The following TFAP2B variants were observed in gnomAD, a reference collection of about 807,000 sequenced individuals.
TFAP2B encodes the protein transcription factor AP-2 beta.
Under a neutral mutation model 44.3 loss-of-function variants are expected in TFAP2B, and 9 were observed. That is an observed-to-expected ratio of 0.20 (90% CI 0.12 to 0.35). The LOEUF is 0.35. Among genes scored for constraint, TFAP2B ranks in the 10% least tolerant of loss-of-function variants. TFAP2B has a pLI of 1.00. For synonymous variants in TFAP2B, 270 were observed against 263.8 expected (o/e 1.02, Z -0.23); for missense variants, 509 against 600.0 (o/e 0.85, Z 1.59).
At chr6:50,835,940 T>C (rs1762611378) in intron 3 of TFAP2B, 121 bp from the exon 4 acceptor site, 1 of 852,934 alleles carries the variant, frequency 1.2e-6, no homozygotes, top group Non-Finnish European at 2.0e-6. Context: ...GAATAAACAC[T>C]TCCTCCCTCA....
chr6:50,835,702 C>T (rs1309594979), intron 3 of TFAP2B, among the ~76,000 whole-genome samples: 1 of 152,184 alleles, frequency 6.6e-6, no homozygotes, highest in East Asian at 1.9e-4. Context: ...GAGGTTCAGA[C>T]AGAGTCAGTC....
Position 50,843,861 on chromosome 6 carries a change from C to G in TFAP2B, c.*469C>G, listed in dbSNP as rs1762785885. 6.1e-6 allele frequency: 1 copy of G among 165,004 alleles called. No individual in the cohort carries two copies. The allele number at this position is 165,004 out of a possible 1,614,324, so 10.2% of individuals were successfully genotyped here. A position where few individuals can be genotyped will look rare whatever the true frequency, so the allele number is the denominator to read the frequency against. ...TTAGGAAACTCTCGCAGTCCCCGCC[C>G]TCCATCTCACCTCACCCGTCTCCCA... On this transcript the variant is annotated 3_prime_UTR_variant, in exon 7 of 7. Transcript: ENST00000393655.
At chr6:50,821,278 G>T (rs985681221) in intron 1 of TFAP2B, among the ~76,000 whole-genome samples, 2 of 152,214 alleles carry the variant, frequency 1.3e-5, no homozygotes, top group East Asian at 3.8e-4. Flanking sequence ...CCTCCATCTC[G>T]CTTCTGTCCT....
chr6:50,835,924 C>T, intron 3 of TFAP2B, 137 bp from the exon 4 acceptor site: 2 of 792,144 alleles, frequency 2.5e-6, no homozygotes, highest in Non-Finnish European at 4.5e-6. Flanking sequence ...CACTGCAGCC[C>T]CACTGGAATA....
At position 50,840,414 on chromosome 6, in the gene TFAP2B, A is replaced by C; in HGVS notation, c.1082+117A>C. 4.5e-6 allele frequency: 6 copies of C among 1,337,616 alleles called. No individual in the cohort carries two copies. In the Middle Eastern group the frequency reaches 1.5e-3, roughly 328 times the overall value. 82.9% of individuals were successfully genotyped at this position (1,337,616 alleles called of 1,614,324 possible). On this transcript the variant is annotated intron_variant, in intron 6 of 6. Transcript: ENST00000393655. Reference sequence around the variant, plus strand: ...AGCCAGAGGGTTGTCTAGAAGTAGCATTTGCAGCCTCTGGCAAGCAAGGTA... The same window carrying C: ...AGCCAGAGGGTTGTCTAGAAGTAGCCTTTGCAGCCTCTGGCAAGCAAGGTA...
chr6:50,823,469 A>G lies in TFAP2B; in HGVS notation c.144A>G (p.Gln48=), dbSNP rs1193839204. 10 of 1,611,852 alleles carry G rather than the reference A, an allele frequency of 6.2e-6. No individual in the cohort carries two copies. The highest frequency in any genetic ancestry group is 7.6e-6 in the Non-Finnish European group (9 of 1,179,256). ...TCTCCCAGCTGGGCTCGGTGTCCCA[A>G]GGACCCTACTCGAGCGCCCCGCCGC... The part of the protein sequence containing the change: ...SRLSQLGSVS[Q]GPYSSAPPLS... Residue 48 remains glutamine (Q), a synonymous_variant, in exon 2 of 7, where the codon CAA becomes CAG. Coordinates refer to ENST00000393655, the MANE Select transcript of TFAP2B (RefSeq NM_003221.4).
rs1762768345 is a variant in TFAP2B, at chr6:50,843,218, C to T, written c.1209C>T (p.His403=). 1 of 1,614,090 alleles carries T rather than the reference C, an allele frequency of 6.2e-7. No homozygotes were observed. Among genetic ancestry groups the T allele is most frequent in the South Asian group, 1.1e-5 (1 of 91,088 alleles). Residue 403 remains histidine, a synonymous_variant, in exon 7 of 7, where the codon CAC becomes CAT. Coordinates refer to ENST00000393655, the MANE Select transcript of TFAP2B (RefSeq NM_003221.4). ...SCLTHFSLIT[H]GFGAPAICAA... is the part of the protein sequence containing the mutation. The stretch of plus-strand genomic sequence containing the variant: ...TCACGCACTTCAGCCTCATCACGCA[C>T]GGCTTCGGCGCCCCGGCCATTTGCG...
rs1216960902 is a variant in TFAP2B, at chr6:50,844,472, T to C, written c.*1080T>C. ...TCTATAAGGTACAGAGAAAAAAAAA[T>C]CCGATCCCTTTTTAATCAAAGCCTG... On this transcript the variant is annotated 3_prime_UTR_variant, in exon 7 of 7. Coordinates refer to ENST00000393655, the MANE Select transcript of TFAP2B (RefSeq NM_003221.4). 1 of 152,356 alleles carries C rather than the reference T, an allele frequency of 6.6e-6. No individual in the cohort carries two copies. Among genetic ancestry groups the C allele is most frequent in the Non-Finnish European group, 1.5e-5 (1 of 67,968 alleles). 9.4% of individuals were successfully genotyped at this position (152,356 alleles called of 1,614,324 possible). A position where few individuals can be genotyped will look rare whatever the true frequency, so the allele number is the denominator to read the frequency against.
chr6:50,830,872 G>T (rs538417436), intron 3 of TFAP2B, among the ~76,000 whole-genome samples: 2 of 152,112 alleles, frequency 1.3e-5, no homozygotes, highest in Non-Finnish European at 2.9e-5. Flanking sequence ...AGGTGAGAAA[G>T]TCTTGTGAAC....
In TFAP2B at chr6:50,846,827, C is replaced by G. The variant is rs1429095543; in HGVS notation, c.*3435C>G. The G allele has an allele frequency of 6.6e-6, 1 of 152,658 alleles. No individual in the cohort carries two copies. Among genetic ancestry groups the G allele is most frequent in the Admixed American group, 6.5e-5 (1 of 15,280 alleles). The allele number at this position is 152,658 out of a possible 1,614,324, so 9.5% of individuals were successfully genotyped here. A position where few individuals can be genotyped will look rare whatever the true frequency, so the allele number is the denominator to read the frequency against. On this transcript the variant is annotated 3_prime_UTR_variant, in exon 7 of 7. Transcript: ENST00000393655. ...TACCTTGCATTTTCTTTCCTTCCTTCTGGCCTCCACACCCATAGCTTTCCT... is the reference window on the plus strand; with the variant it reads ...TACCTTGCATTTTCTTTCCTTCCTTGTGGCCTCCACACCCATAGCTTTCCT...
intron 3 of TFAP2B, among the ~76,000 whole-genome samples, chr6:50,830,667 G>A (rs115275453): frequency 0.01 from 1,578 of 152,252 alleles, 19 homozygotes; most frequent in African/African-American, 0.036. Context: ...ATTACATGAA[G>A]AAAAGATCCT....
upstream of TFAP2B, chr6:50,818,801 C>G (rs1395463565): frequency 1.8e-5 from 21 of 1,175,572 alleles, no homozygotes; most frequent in Non-Finnish European, 2.6e-5. Context: ...AGAGGAGCGT[C>G]GGATTTGGTG....
At chr6:50,822,879 A>G (rs1770392307) in intron 1 of TFAP2B, among the ~76,000 whole-genome samples, 1 of 152,222 alleles carries the variant, frequency 6.6e-6, no homozygotes. Flanking sequence ...CTAATCAGCC[A>G]GCTGCATTTC....
rs1321063758 is a variant in TFAP2B, at chr6:50,846,719, A to C, written c.*3327A>C. On this transcript the variant is annotated 3_prime_UTR_variant, in exon 7 of 7. Transcript: ENST00000393655. The stretch of plus-strand genomic sequence containing the variant: ...GTTTGGGTGAGGATTCCGTCACCTA[A>C]AAAGATCTTTAACTTCTCCCCCAAA... The C allele has an allele frequency of 2.0e-5, 3 of 152,290 alleles. No homozygotes were observed. The East Asian group carries it at 5.8e-4, about 29-fold the overall frequency. The allele number at this position is 152,290 out of a possible 1,614,324, so 9.4% of individuals were successfully genotyped here.
At position 50,823,503 on chromosome 6, in the gene TFAP2B, A is replaced by T; in HGVS notation, c.178A>T (p.Thr60Ser). The change falls in exon 2 of 7, where the codon ACC becomes TCC. Residue 60 changes from threonine (T) to serine (S), a missense_variant. Physicochemically the swap from Thr to Ser is moderately conservative, Grantham distance 58. Transcript: ENST00000393655. Reference protein sequence around the residue: ...PYSSAPPLSHTPSSDFQPPYF... With the variant: ...PYSSAPPLSHSPSSDFQPPYF... ...CTCGAGCGCCCCGCCGCTGTCCCAC[A>T]CCCCGTCGTCGGACTTCCAGCCGCC... The T allele has an allele frequency of 6.2e-7, 1 of 1,609,362 alleles. No individual in the cohort carries two copies. Among genetic ancestry groups the T allele is most frequent in the Non-Finnish European group, 8.5e-7 (1 of 1,178,734 alleles).
In TFAP2B at chr6:50,843,723, C is replaced by T. The variant is rs1762783209; in HGVS notation, c.*331C>T. 8.6e-6 allele frequency: 2 copies of T among 231,648 alleles called. No individual in the cohort carries two copies. Among genetic ancestry groups the T allele is most frequent in the African/African-American group, 2.3e-5 (1 of 43,332 alleles). The allele number at this position is 231,648 out of a possible 1,614,324, so 14.3% of individuals were successfully genotyped here. On this transcript the variant is annotated 3_prime_UTR_variant, in exon 7 of 7. Coordinates refer to ENST00000393655, the MANE Select transcript of TFAP2B (RefSeq NM_003221.4). ...TTCCCTTTGGAAAATAAACATAAGA[C>T]TAAACATGAGAAAAACGCTAACTTA...
At chr6:50,825,987 G>C (rs1295635355) in intron 2 of TFAP2B, among the ~76,000 whole-genome samples, 1 of 152,176 alleles carries the variant, frequency 6.6e-6, no homozygotes, top group Non-Finnish European at 1.5e-5. Flanking sequence ...CTGATGCAGG[G>C]CAGGTGACAA....
intron 6 of TFAP2B, among the ~76,000 whole-genome samples, chr6:50,841,735 T>A (rs1190700933): frequency 6.6e-6 from 1 of 152,178 alleles, no homozygotes. Flanking sequence ...ACCCCACAGG[T>A]GTTTCTAAGG....
At chr6:50,841,383 A>C (rs1271883724) in intron 6 of TFAP2B, among the ~76,000 whole-genome samples, 1 of 152,088 alleles carries the variant, frequency 6.6e-6, no homozygotes, top group Non-Finnish European at 1.5e-5. Context: ...GGTATTTGTC[A>C]GTAGATTGCC....
Sources: allele counts gnomAD v4.1 joint callset (sites outside exome capture counted in the v4.1 genomes callset), GRCh38; gene constraint gnomAD v4.1.1; transcripts MANE v1.5; gene names NCBI Gene and HGNC (gene_info 2026-07-23, HGNC 2026-07-21).